The following POC1A variants were observed in gnomAD, a reference collection of about 807,000 sequenced individuals.
POC1A encodes the protein POC1 centriolar protein A.
POC1A carries 34 observed loss-of-function variants against 47.8 expected under a neutral mutation model. That is an observed-to-expected ratio of 0.71 (90% CI 0.54 to 0.95). The LOEUF (loss-of-function observed/expected upper bound fraction) is 0.95, where lower values mean the gene tolerates loss of function less well. Among genes scored for constraint, POC1A ranks in the 40% least tolerant of loss-of-function variants. The pLI is 0.00. For missense variants in POC1A, 466 were observed against 528.3 expected (o/e 0.88, Z 1.16); for synonymous variants, 177 against 207.6 (o/e 0.85, Z 1.27).
At chr3:52,135,850 G>T (rs1704436471) in intron 7 of POC1A, among the ~76,000 whole-genome samples, 1 of 152,180 alleles carries the variant, frequency 6.6e-6, no homozygotes, top group Admixed American at 6.5e-5. Flanking sequence ...CAGGTGGGAG[G>T]GGCGCAGGAA....
chr3:52,109,671 G>A (rs1231661590), intron 9 of POC1A, among the ~76,000 whole-genome samples: 5 of 152,136 alleles, frequency 3.3e-5, no homozygotes, highest in African/African-American at 4.8e-5. Flanking sequence ...CCAGCCTTTA[G>A]CACTGCCACA....
intron 9 of POC1A, among the ~76,000 whole-genome samples, chr3:52,116,238 AGCCCACCCCTGTGGCAGT>A (rs1158106339): frequency 6.6e-6 from 1 of 152,212 alleles, no homozygotes; most frequent in African/African-American, 2.4e-5. Flanking sequence ...CCCTAAGTGA[AGCCCACCCCTGTGGCAGT>A]GCCCCAAAAA....
chr3:52,106,627 C>CCAG (rs1427064422), intron 9 of POC1A, among the ~76,000 whole-genome samples: 1 of 152,172 alleles, frequency 6.6e-6, no homozygotes, highest in African/African-American at 2.4e-5. Flanking sequence ...ACACACAGAA[C>CCAG]CAGGACCACA....
At chr3:52,144,689 A>T (rs1698308870) in intron 6 of POC1A, among the ~76,000 whole-genome samples, 1 of 152,166 alleles carries the variant, frequency 6.6e-6, no homozygotes, top group Non-Finnish European at 1.5e-5. Context: ...CACAGAGTCA[A>T]ATGACCTGCC....
chr3:52,124,118 A>G (rs998937769), intron 8 of POC1A, among the ~76,000 whole-genome samples: 5 of 152,234 alleles, frequency 3.3e-5, no homozygotes, highest in African/African-American at 1.2e-4. Flanking sequence ...GGACTTTTCT[A>G]GGCTGAGCAG....
At chr3:52,085,930 G>C (rs986420567) in intron 10 of POC1A, among the ~76,000 whole-genome samples, 1 of 152,218 alleles carries the variant, frequency 6.6e-6, no homozygotes. Context: ...CCGGGATGTT[G>C]GGGGAGCCAT....
intron 9 of POC1A, among the ~76,000 whole-genome samples, chr3:52,105,768 T>A (rs1256728878): frequency 6.6e-6 from 1 of 152,270 alleles, no homozygotes. Context: ...CTGCCAGTCC[T>A]GCCTCCAGGC....
At chr3:52,076,681 C>T (rs137931865) in intron 10 of POC1A, among the ~76,000 whole-genome samples, 4 of 152,402 alleles carry the variant, frequency 2.6e-5, no homozygotes, top group African/African-American at 9.6e-5. Context: ...CAACCAAGCT[C>T]ATGGCCTAGG....
intron 7 of POC1A, among the ~76,000 whole-genome samples, chr3:52,131,214 A>C (rs1451331796): frequency 6.6e-6 from 1 of 152,206 alleles, no homozygotes; most frequent in Non-Finnish European, 1.5e-5. Context: ...GAAAATACAG[A>C]AAGATAAATC....
chr3:52,086,777 G>A (rs918468789), intron 10 of POC1A, among the ~76,000 whole-genome samples: 4 of 152,250 alleles, frequency 2.6e-5, no homozygotes, highest in South Asian at 2.1e-4. Flanking sequence ...GGGTACAAAC[G>A]ATGCCCCTCG....
rs1374461716 is a variant in POC1A at position 52,095,560 on chromosome 3, C to T, written c.1125+1009G>A. On this transcript the variant is annotated intron_variant, in intron 10 of 10. Transcript: ENST00000296484. ...CCCTGGCTTTAACACCTCTTTTCCT[C>T]GTGGGCCACATGTGTCCCTCTTGCA... Among the ~76,000 whole-genome samples, 6 of 152,104 alleles carry T rather than the reference C, an allele frequency of 3.9e-5. No individual in the cohort carries two copies. In the East Asian group the frequency reaches 5.8e-4, roughly 15 times the overall value.
At chr3:52,120,327 C>T (rs1381895687) in intron 9 of POC1A, among the ~76,000 whole-genome samples, 1 of 152,164 alleles carries the variant, frequency 6.6e-6, no homozygotes, top group East Asian at 1.9e-4. Context: ...CCTGGGAGTC[C>T]TCAGATTAGA....
At chr3:52,121,290 CTGGG>C (rs1389522301) in intron 9 of POC1A, among the ~76,000 whole-genome samples, 1 of 152,226 alleles carries the variant, frequency 6.6e-6, no homozygotes, top group Non-Finnish European at 1.5e-5. Flanking sequence ...AAATGCCTTT[CTGGG>C]TGGAAGATGA....
chr3:52,142,185 A>G (rs1698220474), intron 6 of POC1A, among the ~76,000 whole-genome samples: 1 of 152,190 alleles, frequency 6.6e-6, no homozygotes, highest in African/African-American at 2.4e-5. Context: ...GTCACTGGAT[A>G]ATGGACCTGC....
At chr3:52,099,578 C>T (rs564561552) in intron 9 of POC1A, among the ~76,000 whole-genome samples, 2 of 152,194 alleles carry the variant, frequency 1.3e-5, no homozygotes, top group South Asian at 2.1e-4. Flanking sequence ...AGGCCAGACA[C>T]GGTGACTTAC....
intron 9 of POC1A, among the ~76,000 whole-genome samples, chr3:52,118,330 T>A (rs949102930): frequency 1.3e-5 from 2 of 152,196 alleles, no homozygotes; most frequent in African/African-American, 4.8e-5. Context: ...CAGCCAAGAA[T>A]AGAGGGAAAA....
intron 7 of POC1A, 80 bp downstream of exon 7, chr3:52,138,089 G>T: frequency 6.7e-7 from 1 of 1,492,040 alleles, no homozygotes; most frequent in Non-Finnish European, 9.3e-7. Context: ...TGACAAGCCT[G>T]TTTCTGCATC....
chr3:52,075,605 A>G lies in POC1A; in HGVS notation c.*282T>C, dbSNP rs1450154258. 3.7e-6 allele frequency: 1 copy of G among 270,506 alleles called. No homozygotes were observed. Among genetic ancestry groups the G allele is most frequent in the East Asian group, 6.6e-5 (1 of 15,158 alleles). 16.8% of individuals were successfully genotyped at this position (270,506 alleles called of 1,614,324 possible). On this transcript the variant is annotated 3_prime_UTR_variant, in exon 11 of 11. Transcript: ENST00000296484. Reference sequence around the variant, plus strand: ...ATCTCAGGACCCCGAAGGAGCAGACATTTTCAAGTGGCTCCTTTACATTAA... The same window carrying G: ...ATCTCAGGACCCCGAAGGAGCAGACGTTTTCAAGTGGCTCCTTTACATTAA...
In POC1A at chr3:52,147,112, A is replaced by G; in HGVS notation, c.456-17T>C. ...GGGGAGAACCTGAACCGGGTGGGGCACAAGTCACATCACAGACTAACAGAC... is the reference window on the plus strand; with the variant it reads ...GGGGAGAACCTGAACCGGGTGGGGCGCAAGTCACATCACAGACTAACAGAC... On this transcript the variant is annotated splice_polypyrimidine_tract_variant and intron_variant, in intron 4 of 10. Transcript: ENST00000296484. 17 of 1,589,708 alleles carry G rather than the reference A, an allele frequency of 1.1e-5. No individual in the cohort carries two copies. Among genetic ancestry groups the G allele is most frequent in the Non-Finnish European group, 1.5e-5 (17 of 1,158,004 alleles).
Sources: allele counts gnomAD v4.1 joint callset (sites outside exome capture counted in the v4.1 genomes callset), GRCh38; gene constraint gnomAD v4.1.1; transcripts MANE v1.5; gene names NCBI Gene and HGNC (gene_info 2026-07-23, HGNC 2026-07-21).